Variants in TRABD2B observed in about 807,000 individuals in gnomAD.
The protein encoded by TRABD2B is metalloprotease TIKI2.
A neutral mutation model predicts 40.1 loss-of-function variants in TRABD2B; 14 were observed. That is an observed-to-expected ratio of 0.35 (90% CI 0.23 to 0.55). The LOEUF is 0.55. Ranked by LOEUF, TRABD2B falls within the 20% of genes least tolerant of loss-of-function variation. TRABD2B has a pLI of 0.90. For synonymous variants in TRABD2B, 263 were observed against 277.0 expected (o/e 0.95, Z 0.50); for missense variants, 541 against 648.6 (o/e 0.83, Z 1.80).
At chr1:47,846,068 A>G (rs1645464799) in intron 2 of TRABD2B, among the ~76,000 whole-genome samples, 1 of 152,174 alleles carries the variant, frequency 6.6e-6, no homozygotes, top group Non-Finnish European at 1.5e-5. Flanking sequence ...GACTTCCCAT[A>G]CCTGGCTTTA....
chr1:47,904,533 C>G (rs550915421), intron 2 of TRABD2B, among the ~76,000 whole-genome samples: 26 of 152,246 alleles, frequency 1.7e-4, no homozygotes, highest in African/African-American at 6.0e-4. Flanking sequence ...ATCATGACTG[C>G]TAAAGCAGGG....
chr1:47,843,531 C>A (rs1282699944), intron 2 of TRABD2B, among the ~76,000 whole-genome samples: 1 of 152,136 alleles, frequency 6.6e-6, no homozygotes, highest in Admixed American at 6.5e-5. Flanking sequence ...GAAGTGCCTG[C>A]TGAACAACCA....
Position 47,996,918 on chromosome 1 carries a change from CTG to C in TRABD2B, c.-131_-130del. The C allele has an allele frequency of 4.5e-6, 5 of 1,123,540 alleles. No homozygotes were observed. Among genetic ancestry groups the C allele is most frequent in the Non-Finnish European group, 5.4e-6 (5 of 919,598 alleles). The allele number at this position is 1,123,540 out of a possible 1,614,324, so 69.6% of individuals were successfully genotyped here. ...CCAGCCGCAGGATGCTGGGCGCCCT[CTG>C]GGGCGTGGCTGACTGTCCCTGTCGG... On this transcript the variant is annotated 5_prime_UTR_variant, in exon 1 of 7. Transcript: ENST00000606738. The surrounding 1 kb of genome is among the most constrained non-coding windows in gnomAD (Gnocchi z 4.6).
At chr1:47,951,772 C>CCTCTGAAA (rs1645347988) in intron 2 of TRABD2B, among the ~76,000 whole-genome samples, 1 of 152,206 alleles carries the variant, frequency 6.6e-6, no homozygotes, top group Non-Finnish European at 1.5e-5. Flanking sequence ...TCTGCACAGT[C>CCTCTGAAA]CTCTGAAACT....
At chr1:47,940,113 G>A (rs1645166151) in intron 2 of TRABD2B, among the ~76,000 whole-genome samples, 1 of 152,156 alleles carries the variant, frequency 6.6e-6, no homozygotes, top group African/African-American at 2.4e-5. Context: ...TTTCCCACAG[G>A]GACTCTTGCT....
At chr1:47,947,828 C>T (rs1326814246) in intron 2 of TRABD2B, among the ~76,000 whole-genome samples, 1 of 152,152 alleles carries the variant, frequency 6.6e-6, no homozygotes, top group Non-Finnish European at 1.5e-5. Context: ...GGTGATTACC[C>T]GCACTTTATA....
chr1:47,827,721 AC>A (rs779938378), intron 2 of TRABD2B, among the ~76,000 whole-genome samples: 1 of 151,010 alleles, frequency 6.6e-6, no homozygotes, highest in Non-Finnish European at 1.5e-5. Flanking sequence ...ACAATGAGGT[AC>A]CCCCCTTTTT....
chr1:47,977,956 G>C (rs1219792924), intron 2 of TRABD2B, among the ~76,000 whole-genome samples: 1 of 151,866 alleles, frequency 6.6e-6, no homozygotes, highest in Non-Finnish European at 1.5e-5. Context: ...TCCATACAAG[G>C]GTGGGAATGG....
intron 2 of TRABD2B, among the ~76,000 whole-genome samples, chr1:47,990,605 T>G (rs1645986960): frequency 6.6e-6 from 1 of 150,966 alleles, no homozygotes; most frequent in East Asian, 2.0e-4. Context: ...AACATCCAAG[T>G]AGTCATTTTA....
chr1:47,795,760 C>T, intron 3 of TRABD2B: 1 of 932,242 alleles, frequency 1.1e-6, no homozygotes, highest in Non-Finnish European at 1.3e-6. Flanking sequence ...ACCAACTCCC[C>T]ATCCCTGCAC....
chr1:47,808,744 A>C (rs1644924414), intron 2 of TRABD2B, among the ~76,000 whole-genome samples: 1 of 152,176 alleles, frequency 6.6e-6, no homozygotes, highest in Non-Finnish European at 1.5e-5. Context: ...TTAGGATTCA[A>C]ACTCAGGTCC....
At position 47,996,681 on chromosome 1, in the gene TRABD2B, C is replaced by G; in HGVS notation, c.102+7G>C. 8.1e-7 allele frequency: 1 copy of G among 1,229,036 alleles called. No individual in the cohort carries two copies. The highest frequency in any genetic ancestry group is 1.0e-6 in the Non-Finnish European group (1 of 985,150). The allele number at this position is 1,229,036 out of a possible 1,614,324, so 76.1% of individuals were successfully genotyped here. ...GCGGGAGAGTGGCCGGGCAGGCGCTCGCTCACCGATCCGGGCGGCCGGCAC... is the reference window on the plus strand; with the variant it reads ...GCGGGAGAGTGGCCGGGCAGGCGCTGGCTCACCGATCCGGGCGGCCGGCAC... On this transcript the variant is annotated splice_region_variant and intron_variant, in intron 1 of 6. Coordinates refer to ENST00000606738, the MANE Select transcript of TRABD2B (RefSeq NM_001194986.2). This position sits in a 1 kb window ranked among gnomAD's most constrained non-coding sequence, Gnocchi z 4.6.
At chr1:47,819,009 A>G (rs1486110634) in intron 2 of TRABD2B, 2 of 152,238 alleles carry the variant, frequency 1.3e-5, no homozygotes, top group Non-Finnish European at 2.9e-5. Flanking sequence ...TTTTTTAAAA[A>G]TGTATGATTA....
chr1:47,881,836 C>T (rs1557633812), intron 2 of TRABD2B, among the ~76,000 whole-genome samples: 1 of 152,248 alleles, frequency 6.6e-6, no homozygotes, highest in Non-Finnish European at 1.5e-5. Context: ...TATAACTGTG[C>T]ATCCTGGTGG....
intron 2 of TRABD2B, among the ~76,000 whole-genome samples, chr1:47,824,423 C>T (rs1265609604): frequency 6.6e-6 from 1 of 152,180 alleles, no homozygotes; most frequent in Admixed American, 6.5e-5. Context: ...CTGTACATGC[C>T]CTTCATCCCA....
intron 2 of TRABD2B, among the ~76,000 whole-genome samples, chr1:47,824,165 T>TAAGGACATCACC (rs952541664): frequency 6.6e-6 from 1 of 152,286 alleles, no homozygotes; most frequent in African/African-American, 2.4e-5. Flanking sequence ...CAGTGACACA[T>TAAGGACATCACC]AAGGACATCA....
At chr1:47,799,937 T>C (rs1024547851) in intron 3 of TRABD2B, among the ~76,000 whole-genome samples, 1 of 152,330 alleles carries the variant, frequency 6.6e-6, no homozygotes, top group Non-Finnish European at 1.5e-5. Context: ...CATTCTCGAA[T>C]GTCCCCATCT....
chr1:47,817,406 C>T (rs901167473), intron 2 of TRABD2B, among the ~76,000 whole-genome samples: 2 of 152,052 alleles, frequency 1.3e-5, no homozygotes, highest in African/African-American at 4.8e-5. Context: ...ACGGTGCGTC[C>T]AGGGGTCCTC....
chr1:47,960,135 G>A (rs1414465362), intron 2 of TRABD2B, among the ~76,000 whole-genome samples: 1 of 152,176 alleles, frequency 6.6e-6, no homozygotes, highest in East Asian at 1.9e-4. Flanking sequence ...CTCAATAGAT[G>A]CAGAAAAGGC....
Sources: allele counts gnomAD v4.1 joint callset (sites outside exome capture counted in the v4.1 genomes callset), GRCh38; gene constraint gnomAD v4.1.1; non-coding constraint Gnocchi (gnomAD v3.1); transcripts MANE v1.5; gene names NCBI Gene and HGNC (gene_info 2026-07-23, HGNC 2026-07-21).